The following ANKS1B variants were observed in gnomAD, a reference collection of about 807,000 sequenced individuals.
ANKS1B encodes ankyrin repeat and sterile alpha motif domain-containing protein 1B.
ANKS1B carries 36 observed loss-of-function variants against 148.3 expected under a neutral mutation model. That is an observed-to-expected ratio of 0.24 (90% CI 0.19 to 0.32). The LOEUF (loss-of-function observed/expected upper bound fraction) is 0.32. Among genes scored for constraint, ANKS1B ranks in the 10% least tolerant of loss-of-function variants. The probability of loss-of-function intolerance (pLI) is 1.00; values close to 1 mark genes in which losing one functional copy is unlikely to be tolerated. For missense variants in ANKS1B, 1,157 were observed against 1,542.6 expected, an observed-to-expected ratio of 0.75 and a Z score of 4.19; for synonymous variants, 542 against 560.8, an observed-to-expected ratio of 0.97 and a Z score of 0.47.
At chr12:99,382,718 AG>A (rs60188293) in intron 12 of ANKS1B, among the ~76,000 whole-genome samples, 47,338 of 72,064 alleles carry the variant, frequency 0.66, 13,480 homozygotes, top group Non-Finnish European at 0.7. Flanking sequence ...AAAAAAAAAA[AG>A]AGAGAGAGAG....
intron 1 of ANKS1B, among the ~76,000 whole-genome samples, chr12:99,951,113 C>A (rs1409396312): frequency 6.6e-6 from 1 of 152,222 alleles, no homozygotes; most frequent in East Asian, 1.9e-4. Flanking sequence ...TGATGCCATT[C>A]TGATTTCCAT....
chr12:99,555,124 C>A (rs1023964351), intron 9 of ANKS1B, among the ~76,000 whole-genome samples: 4 of 152,052 alleles, frequency 2.6e-5, no homozygotes, highest in African/African-American at 9.7e-5. Flanking sequence ...AACATACACA[C>A]GCATAGGTCT....
At chr12:98,826,640 C>T (rs2099251036) in intron 19 of ANKS1B, among the ~76,000 whole-genome samples, 1 of 152,130 alleles carries the variant, frequency 6.6e-6, no homozygotes, top group Admixed American at 6.5e-5. Flanking sequence ...ATTCTCATTT[C>T]TTTTAGTAGG....
chr12:99,447,387 G>T (rs974477922), intron 10 of ANKS1B, among the ~76,000 whole-genome samples: 2 of 152,050 alleles, frequency 1.3e-5, no homozygotes, highest in African/African-American at 4.8e-5. Context: ...GAGGCAGGAA[G>T]TTTGCTTGAA....
chr12:98,745,923 C>T (rs750107594), intron 26 of ANKS1B, 74 bp from the exon 27 acceptor site: 25 of 1,500,742 alleles, frequency 1.7e-5, no homozygotes, highest in Non-Finnish European at 2.1e-5. Flanking sequence ...ACGCCGCTGG[C>T]GAACCCACGC....
chr12:99,334,471 C>G (rs1437691718), intron 12 of ANKS1B, among the ~76,000 whole-genome samples: 1 of 152,068 alleles, frequency 6.6e-6, no homozygotes, highest in East Asian at 1.9e-4. Flanking sequence ...ATATTCATAT[C>G]TCCACCCACT....
intron 8 of ANKS1B, among the ~76,000 whole-genome samples, chr12:99,697,207 T>C (rs1237265243): frequency 1.3e-5 from 2 of 152,162 alleles, no homozygotes; most frequent in African/African-American, 4.8e-5. Flanking sequence ...TACCATGTGG[T>C]CTAGTCATCA....
At chr12:98,904,671 C>A (rs376921563) in intron 17 of ANKS1B, among the ~76,000 whole-genome samples, 1 of 152,156 alleles carries the variant, frequency 6.6e-6, no homozygotes, top group Non-Finnish European at 1.5e-5. Context: ...CACGAAGATG[C>A]AGCAGAGTTT....
In ANKS1B at chr12:99,470,220, TGG is replaced by T. The variant is rs1237680893; in HGVS notation, c.1439-26413_1439-26412del. Reference sequence around the variant, plus strand: ...ACTCATTATCCACATATATCAACATTGGTCTTATTTTCATTATGGTATACTGT... The same window carrying T: ...ACTCATTATCCACATATATCAACATTTCTTATTTTCATTATGGTATACTGT... On this transcript the variant is annotated intron_variant, in intron 10 of 26. Coordinates refer to ENST00000683438, the MANE Select transcript of ANKS1B (RefSeq NM_001352186.2). Among the ~76,000 whole-genome samples, 167 of 152,220 alleles carry T rather than the reference TGG, an allele frequency of 1.1e-3. 1 individual carries two copies. In the South Asian group the frequency reaches 0.014, roughly 13 times the overall value.
chr12:99,111,577 C>T (rs1223868704), intron 15 of ANKS1B, among the ~76,000 whole-genome samples: 2 of 151,762 alleles, frequency 1.3e-5, no homozygotes, highest in African/African-American at 2.4e-5. Flanking sequence ...CACCTTCCAA[C>T]CTCATGAAAG....
At chr12:99,821,569 T>A (rs1275263850) in intron 2 of ANKS1B, among the ~76,000 whole-genome samples, 2 of 152,010 alleles carry the variant, frequency 1.3e-5, no homozygotes, top group East Asian at 3.8e-4. Flanking sequence ...ACTAAATACT[T>A]CACTGAAAAT....
At chr12:99,380,754 CTCCTTCCTTCCTTCCTTCCT>C (rs144164931) in intron 12 of ANKS1B, among the ~76,000 whole-genome samples, 5 of 132,728 alleles carry the variant, frequency 3.8e-5, no homozygotes, top group Non-Finnish European at 8.1e-5. Flanking sequence ...GTTTCCTTTC[CTCCTTCCTTCCTTCCTTCCT>C]TCCTTCCTTC....
downstream of ANKS1B, among the ~76,000 whole-genome samples, chr12:98,743,272 G>A (rs1030846522): frequency 2.6e-5 from 4 of 152,108 alleles, no homozygotes; most frequent in Non-Finnish European, 4.4e-5. Context: ...AAAATCTTGT[G>A]TGTCTTGAGA....
At chr12:99,343,472 C>T (rs1174065659) in intron 12 of ANKS1B, among the ~76,000 whole-genome samples, 9 of 151,956 alleles carry the variant, frequency 5.9e-5, no homozygotes, top group Non-Finnish European at 1.2e-4. Flanking sequence ...TTAAGGCTTC[C>T]AGCATAAGGC....
chr12:99,886,652 T>C (rs1010048137), intron 1 of ANKS1B, among the ~76,000 whole-genome samples: 6 of 152,324 alleles, frequency 3.9e-5, no homozygotes, highest in Admixed American at 3.9e-4. Context: ...CATACCTGTT[T>C]ACTAACTTTT....
intron 15 of ANKS1B, among the ~76,000 whole-genome samples, chr12:99,134,864 A>T (rs1046647333): frequency 1.3e-5 from 2 of 152,132 alleles, no homozygotes; most frequent in Non-Finnish European, 2.9e-5. Flanking sequence ...CAAAACCTGG[A>T]AATTAAAAAA....
chr12:98,773,143 A>G lies in ANKS1B; in HGVS notation c.3478T>C (p.Cys1160Arg). Residue 1160 changes from cysteine to arginine, a missense_variant, in exon 25 of 27, where the codon TGT (cysteine) becomes CGT (arginine). By Grantham distance (180) the Cys-to-Arg change is radical. Transcript: ENST00000683438. The stretch of plus-strand genomic sequence containing the variant: ...AGGTCTTCTGGGTCCTGGGCAGCAC[A>G]GGAGATATTACGAATTTCATGCTCA... ...IAEHEIRNIS[C>R]AAQDPEDLST... 1 of 1,610,928 alleles carries G rather than the reference A, an allele frequency of 6.2e-7. No homozygotes were observed. Among genetic ancestry groups the G allele is most frequent in the Non-Finnish European group, 8.5e-7 (1 of 1,179,188 alleles).
intron 10 of ANKS1B, among the ~76,000 whole-genome samples, chr12:99,494,960 C>T (rs867678917): frequency 6.6e-6 from 1 of 151,974 alleles, no homozygotes; most frequent in South Asian, 2.1e-4. Context: ...AAAGTTCCAT[C>T]TGGTAAATTC....
chr12:99,385,976 C>A (rs2093842829), intron 12 of ANKS1B, among the ~76,000 whole-genome samples: 1 of 152,186 alleles, frequency 6.6e-6, no homozygotes, highest in Non-Finnish European at 1.5e-5. Context: ...CTTCCTTTCA[C>A]ATGTGCTTAT....
Sources: allele counts gnomAD v4.1 joint callset (sites outside exome capture counted in the v4.1 genomes callset), GRCh38; gene constraint gnomAD v4.1.1; transcripts MANE v1.5; gene names NCBI Gene and HGNC (gene_info 2026-07-23, HGNC 2026-07-21).